LARP4B: variants seen among roughly 807,000 people sequenced by gnomAD.
The protein encoded by LARP4B is La ribonucleoprotein 4B, also known as la-related protein 4B.
A neutral mutation model predicts 89.8 loss-of-function variants in LARP4B; 12 were observed. That is an observed-to-expected ratio of 0.13 (90% CI 0.09 to 0.22). The LOEUF (loss-of-function observed/expected upper bound fraction) is 0.22. Ranked by LOEUF, LARP4B falls within the 10% of genes least tolerant of loss-of-function variation. The pLI is 1.00. For missense variants in LARP4B, 757 were observed against 947.7 expected (o/e 0.80, Z 2.64); for synonymous variants, 367 against 363.3 (o/e 1.01, Z -0.12).
downstream of LARP4B, chr10:807,023 T>TCAGACAGGGCA (rs1831583031): frequency 6.6e-6 from 1 of 152,180 alleles, no homozygotes; most frequent in South Asian, 2.1e-4. Context: ...ACAACTCCCT[T>TCAGACAGGGCA]CAGACAGGGC....
In LARP4B at chr10:844,950, TACTAGAAAAACCACC is replaced by T. The variant is rs1213041364; in HGVS notation, c.509+12_509+26del. On this transcript the variant is annotated intron_variant, in intron 6 of 17. Transcript: ENST00000316157. ...TTTGCACAATACTAGAAATATCAGG[TACTAGAAAAACCACC>T]ACCAGCCTTACCTAGATAAGCAGAA... is the stretch of plus-strand genomic sequence containing the variant. 6.5e-7 allele frequency: 1 copy of T among 1,538,224 alleles called. No homozygotes were observed. The highest frequency in any genetic ancestry group is 1.8e-5 in the Admixed American group (1 of 54,210).
upstream of LARP4B, among the ~76,000 whole-genome samples, chr10:935,687 G>A (rs149624015): frequency 1.7e-3 from 258 of 150,794 alleles, 1 homozygote; most frequent in African/African-American, 5.9e-3. Context: ...TGGTGTCTGA[G>A]AACATTCTTT....
At chr10:850,428 TAAAG>T (rs1833982115) in intron 5 of LARP4B, among the ~76,000 whole-genome samples, 1 of 152,034 alleles carries the variant, frequency 6.6e-6, no homozygotes, top group Non-Finnish European at 1.5e-5. Context: ...TTACTAAAGA[TAAAG>T]AGAGGGGTCA....
the LARP4B span, among the ~76,000 whole-genome samples, chr10:975,347 A>G: frequency 2.0e-5 from 3 of 152,164 alleles, no homozygotes; most frequent in African/African-American, 7.2e-5. Context: ...TAATGTCCCC[A>G]CGTGTTTAGT....
Position 843,085 on chromosome 10 carries a change from A to G in LARP4B, c.510-17T>C. 6.2e-7 allele frequency: 1 copy of G among 1,607,880 alleles called. No homozygotes were observed. The highest frequency in any genetic ancestry group is 8.5e-7 in the Non-Finnish European group (1 of 1,175,982). Reference sequence around the variant, plus strand: ...AGGTTCTCCCTGTTGAAAGAAAACAATCTCTTTTAATCAGTATTTCTTTAA... The same window carrying G: ...AGGTTCTCCCTGTTGAAAGAAAACAGTCTCTTTTAATCAGTATTTCTTTAA... On this transcript the variant is annotated splice_polypyrimidine_tract_variant and intron_variant, in intron 6 of 17. Transcript: ENST00000316157.
intron 1 of LARP4B, among the ~76,000 whole-genome samples, chr10:909,679 G>C (rs1314590101): frequency 2.0e-5 from 3 of 151,918 alleles, no homozygotes; most frequent in Non-Finnish European, 4.4e-5. Flanking sequence ...CAGCTACTCG[G>C]GAGGCTGAGG....
chr10:985,524 C>G, the LARP4B span: 1 of 152,238 alleles, frequency 6.6e-6, no homozygotes, highest in East Asian at 1.9e-4. Context: ...ATGAAGCTCA[C>G]AGTCTTAACT....
At chr10:934,372 G>C (rs1302927609), upstream of LARP4B, among the ~76,000 whole-genome samples, 3 of 151,962 alleles carry the variant, frequency 2.0e-5, no homozygotes, top group Non-Finnish European at 4.4e-5. Context: ...GTGGTGCATG[G>C]CTGTGGTTCC....
intron 3 of LARP4B, among the ~76,000 whole-genome samples, chr10:871,004 C>CAG (rs1293108930): frequency 6.6e-6 from 1 of 152,246 alleles, no homozygotes; most frequent in East Asian, 1.9e-4. Flanking sequence ...AGAACTAACA[C>CAG]AGGAGAGTAC....
chr10:831,360 T>C (rs920035971), intron 8 of LARP4B, among the ~76,000 whole-genome samples: 2 of 151,976 alleles, frequency 1.3e-5, no homozygotes, highest in African/African-American at 4.8e-5. Flanking sequence ...GGACTAGATT[T>C]ACTCTCCCAG....
chr10:860,127 T>TGGGGGGGGGGGGGGGGGGGGG (rs60607691), intron 5 of LARP4B, among the ~76,000 whole-genome samples: 1 of 96,208 alleles, frequency 1.0e-5, no homozygotes, highest in Non-Finnish European at 2.1e-5. Flanking sequence ...TGTGTGGGGG[T>TGGGGGGGGGGGGGGGGGGGGG]GGGGGGGAGG....
intron 8 of LARP4B, among the ~76,000 whole-genome samples, chr10:832,353 T>C (rs1359139374): frequency 6.6e-6 from 1 of 152,186 alleles, no homozygotes; most frequent in African/African-American, 2.4e-5. Context: ...AGATTTTTTT[T>C]AAAAGACCAA....
chr10:833,362 G>A (rs61830902), intron 8 of LARP4B, among the ~76,000 whole-genome samples: 9,381 of 148,316 alleles, frequency 0.063, 380 homozygotes, highest in Middle Eastern at 0.11. Context: ...TGCCGCCCAC[G>A]GGCTGAAGAA....
chr10:930,878 G>A (rs1837281072), intron 1 of LARP4B, among the ~76,000 whole-genome samples: 4 of 151,616 alleles, frequency 2.6e-5, no homozygotes, highest in Admixed American at 2.6e-4. Flanking sequence ...CCGGGCTCCG[G>A]CGGGACCGAG....
chr10:901,674 T>C (rs1836350238), intron 1 of LARP4B, among the ~76,000 whole-genome samples: 3 of 152,194 alleles, frequency 2.0e-5, no homozygotes, highest in African/African-American at 7.2e-5. Flanking sequence ...AAGAAATGCG[T>C]CCAATCTCAG....
At chr10:825,896 T>A in intron 11 of LARP4B, 26 bp from the exon 12 acceptor site, 1 of 1,447,676 alleles carries the variant, frequency 6.9e-7, no homozygotes, top group Non-Finnish European at 9.6e-7. Context: ...AACAGACAAG[T>A]AAATAAACCA....
intron 1 of LARP4B, chr10:903,450 T>G (rs1292628330): frequency 6.6e-6 from 1 of 152,248 alleles, no homozygotes; most frequent in Admixed American, 6.5e-5. Flanking sequence ...TAATTCCATT[T>G]TGAATATGTA....
chr10:896,590 T>C (rs1017743765), intron 1 of LARP4B, among the ~76,000 whole-genome samples: 1 of 152,350 alleles, frequency 6.6e-6, no homozygotes, highest in East Asian at 1.9e-4. Flanking sequence ...AACAATGTTA[T>C]TTATATTACC....
chr10:819,170 A>G (rs1832214309), intron 14 of LARP4B: 1 of 152,286 alleles, frequency 6.6e-6, no homozygotes, highest in Non-Finnish European at 1.5e-5. Flanking sequence ...ATGATGGCAA[A>G]GCGGTTTTAA....
Sources: allele counts gnomAD v4.1 joint callset (sites outside exome capture counted in the v4.1 genomes callset), GRCh38; gene constraint gnomAD v4.1.1; transcripts MANE v1.5; gene names NCBI Gene and HGNC (gene_info 2026-07-23, HGNC 2026-07-21).